The following CDYL variants were observed in gnomAD, a reference collection of about 807,000 sequenced individuals.
CDYL encodes chromodomain Y-like protein.
In CDYL, 8 loss-of-function variants were observed where a neutral mutation model predicts 47.3. The observed-to-expected ratio is 0.17, with a 90% CI of 0.10 to 0.31. The LOEUF (loss-of-function observed/expected upper bound fraction) is 0.31. Ranked by LOEUF, CDYL falls within the 10% of genes least tolerant of loss-of-function variation. The pLI, the probability that CDYL is intolerant of heterozygous loss-of-function variation, is 1.00. For missense variants in CDYL, 471 were observed against 701.4 expected (o/e 0.67, Z 3.71); for synonymous variants, 266 against 265.0 (o/e 1.00, Z -0.04).
chr6:4,710,148 G>A (rs1561817220), intron 1 of CDYL, among the ~76,000 whole-genome samples: 1 of 152,102 alleles, frequency 6.6e-6, no homozygotes, highest in Non-Finnish European at 1.5e-5. Flanking sequence ...CTTGAACCTG[G>A]GAGGTGGAGG....
At chr6:4,916,198 C>T (rs888941746) in intron 2 of CDYL, among the ~76,000 whole-genome samples, 1 of 152,220 alleles carries the variant, frequency 6.6e-6, no homozygotes, top group South Asian at 2.1e-4. Context: ...TCCTTAACCT[C>T]GGTAAAATAC....
chr6:4,863,650 A>G (rs1761237450), intron 1 of CDYL, among the ~76,000 whole-genome samples: 1 of 152,208 alleles, frequency 6.6e-6, no homozygotes, highest in South Asian at 2.1e-4. Context: ...CTAGAAAGCC[A>G]TTTTGTTCTA....
At position 4,948,033 on chromosome 6, in the gene CDYL, A is replaced by G. The variant is rs147741293; in HGVS notation, c.1333-4233A>G. On this transcript the variant is annotated intron_variant, in intron 5 of 6. Transcript: ENST00000397588. Reference sequence around the variant, plus strand: ...ACGCACCTGACACCACCAGACTCCCATGGTAGAGTCATTATCAGTAAAATC... The same window carrying G: ...ACGCACCTGACACCACCAGACTCCCGTGGTAGAGTCATTATCAGTAAAATC... 1.5e-3 allele frequency among the ~76,000 whole-genome samples: 235 copies of G among 152,314 alleles called. 1 individual carries two copies. Among genetic ancestry groups the G allele is most frequent in the African/African-American group, 5.4e-3 (224 of 41,558 alleles).
At chr6:4,842,192 AAAT>A (rs1483912733) in intron 1 of CDYL, among the ~76,000 whole-genome samples, 2 of 143,910 alleles carry the variant, frequency 1.4e-5, no homozygotes, top group South Asian at 2.1e-4. Flanking sequence ...TTATTAATAT[AAAT>A]AATATAAATA....
chr6:4,831,216 A>G (rs1355837330), intron 1 of CDYL, among the ~76,000 whole-genome samples: 1 of 152,142 alleles, frequency 6.6e-6, no homozygotes, highest in African/African-American at 2.4e-5. Context: ...TTTTAGGTCT[A>G]ACATTTAAGT....
intron 1 of CDYL, among the ~76,000 whole-genome samples, chr6:4,813,457 A>G (rs1047476382): frequency 2.0e-5 from 3 of 152,194 alleles, no homozygotes; most frequent in African/African-American, 7.2e-5. Flanking sequence ...CCTGTATCTA[A>G]TGATGGTAGT....
Position 4,836,269 on chromosome 6 carries a change from A to C in CDYL, c.25-55444A>C, listed in dbSNP as rs1760302989. The C allele has an allele frequency of 5.1e-6, 5 of 985,482 alleles. No homozygotes were observed. The South Asian group carries it at 2.3e-4, about 46-fold the overall frequency. The allele number at this position is 985,482 out of a possible 1,614,324, so 61.0% of individuals were successfully genotyped here. A position where few individuals can be genotyped will look rare whatever the true frequency, so the allele number is the denominator to read the frequency against. ...CTAAGTCAGCCACAAATGCTACCCA[A>C]AACTACATAAAGAAGAAAAAAGTTG... On this transcript the variant is annotated intron_variant, in intron 1 of 6. Coordinates refer to ENST00000397588, the MANE Select transcript of CDYL (RefSeq NM_004824.4).
At chr6:4,903,430 G>T (rs1353799442) in intron 2 of CDYL, among the ~76,000 whole-genome samples, 6 of 152,194 alleles carry the variant, frequency 3.9e-5, no homozygotes, top group Non-Finnish European at 8.8e-5. Flanking sequence ...ATTTTCTTCC[G>T]TGATGGTTCA....
intron 1 of CDYL, among the ~76,000 whole-genome samples, chr6:4,787,504 A>G (rs1368779430): frequency 6.6e-6 from 1 of 152,194 alleles, no homozygotes; most frequent in East Asian, 1.9e-4. Flanking sequence ...CAGTGACTGT[A>G]TAGAGTATGT....
At chr6:4,802,422 C>T (rs1282594183) in intron 1 of CDYL, among the ~76,000 whole-genome samples, 1 of 151,942 alleles carries the variant, frequency 6.6e-6, no homozygotes, top group East Asian at 1.9e-4. Context: ...GTGTGTAGTC[C>T]CAGCTACTTG....
chr6:4,937,603 T>A lies in CDYL; in HGVS notation c.987T>A (p.Ala329=). The change falls in exon 4 of 7, where the codon GCT becomes GCA. Residue 329 remains alanine, a synonymous_variant. Transcript: ENST00000397588. The stretch of plus-strand genomic sequence containing the variant: ...TCCAGAGTGCTCTGAGCACGGCCGC[T>A]GCCGATGACAGCAAGCTGGTACTGC... ...REVQSALSTA[A]ADDSKLVLLS... 6.3e-7 allele frequency: 1 copy of A among 1,599,600 alleles called. No individual in the cohort carries two copies.
rs551368625 is a variant in CDYL at position 4,743,028 on chromosome 6, C to T, written c.186+8184C>T. On this transcript the variant is annotated intron_variant, in intron 3 of 8. Transcript: ENST00000328908. ...TGTGGGTTACTACAGCCTAACACTG[C>T]GTCCAGAAACACTTCTCACGCCCCA... Among the ~76,000 whole-genome samples the T allele has an allele frequency of 5.3e-5, 8 of 152,336 alleles. No individual in the cohort carries two copies. The East Asian group carries it at 1.2e-3, about 22-fold the overall frequency.
intron 1 of CDYL, among the ~76,000 whole-genome samples, chr6:4,856,080 T>C (rs1760999207): frequency 6.6e-6 from 1 of 152,194 alleles, no homozygotes; most frequent in African/African-American, 2.4e-5. Flanking sequence ...TCTCACATGC[T>C]CAGCAAATGT....
chr6:4,771,034 A>C (rs984072847), intron 3 of CDYL, among the ~76,000 whole-genome samples: 11 of 152,158 alleles, frequency 7.2e-5, no homozygotes, highest in African/African-American at 2.2e-4. Flanking sequence ...TTACTACACA[A>C]TGGTCATTCC....
At chr6:4,782,895 G>T (rs1331015531) in intron 1 of CDYL, among the ~76,000 whole-genome samples, 1 of 152,174 alleles carries the variant, frequency 6.6e-6, no homozygotes, top group Non-Finnish European at 1.5e-5. Flanking sequence ...TTTAGAAGTT[G>T]TATGCTATTT....
Position 4,768,492 on chromosome 6 carries a change from A to G in CDYL, c.186+33648A>G, listed in dbSNP as rs1005458455. On this transcript the variant is annotated intron_variant, in intron 3 of 8. Coordinates refer to the CDYL transcript ENST00000328908. Reference sequence around the variant, plus strand: ...TCAACTGAAAGAGCTCCCGGTGGCCAAAGCTAGAGAATCTGATCAAGGAAA... The same window carrying G: ...TCAACTGAAAGAGCTCCCGGTGGCCGAAGCTAGAGAATCTGATCAAGGAAA... Among the ~76,000 whole-genome samples the G allele has an allele frequency of 5.3e-5, 8 of 152,344 alleles. No homozygotes were observed. The East Asian group carries it at 1.5e-3, about 29-fold the overall frequency.
chr6:4,861,512 T>TGAG (rs1761168992), intron 1 of CDYL, among the ~76,000 whole-genome samples: 2 of 152,240 alleles, frequency 1.3e-5, no homozygotes, highest in African/African-American at 4.8e-5. Context: ...TGGTCTGCCT[T>TGAG]TTCTCAAGAA....
chr6:4,707,107 CAAG>C (rs1456736159), intron 1 of CDYL, among the ~76,000 whole-genome samples: 17 of 152,066 alleles, frequency 1.1e-4, no homozygotes, highest in African/African-American at 3.6e-4. Context: ...GTCAAATATC[CAAG>C]AAGAGGTATA....
At chr6:4,823,517 A>T (rs560357730) in intron 1 of CDYL, among the ~76,000 whole-genome samples, 1 of 152,238 alleles carries the variant, frequency 6.6e-6, no homozygotes. Context: ...AATTTTAAGT[A>T]TATAATTCCC....
Sources: gnomAD v4.1 joint callset for allele counts (sites outside exome capture counted in the v4.1 genomes callset) on GRCh38, gnomAD v4.1.1 for gene constraint, MANE v1.5 for transcripts, NCBI Gene and HGNC (gene_info 2026-07-23, HGNC 2026-07-21) for gene names.